The following IL1RAPL1 variants were observed in gnomAD, a reference collection of about 807,000 sequenced individuals.
IL1RAPL1 encodes the protein interleukin-1 receptor accessory protein-like 1.
Under a neutral mutation model 48.4 loss-of-function variants are expected in IL1RAPL1, and 3 were observed. That is an observed-to-expected ratio of 0.06 (90% CI 0.03 to 0.16). The LOEUF (loss-of-function observed/expected upper bound fraction) is 0.16. Ranked by LOEUF, IL1RAPL1 falls within the 10% of genes least tolerant of loss-of-function variation. The pLI is 1.00. For synonymous variants in IL1RAPL1, 185 were observed against 187.7 expected, an observed-to-expected ratio of 0.99 and a Z score of 0.12; for missense variants, 349 against 530.6, an observed-to-expected ratio of 0.66 and a Z score of 3.36.
At chrX:29,287,116 T>C (rs1247890503) in intron 3 of IL1RAPL1, among the ~76,000 whole-genome samples, 1 of 111,590 alleles carries the variant, frequency 9.0e-6, no homozygotes, top group African/African-American at 3.3e-5. Context: ...CAAACCCCTG[T>C]CAACCACTAA....
At chrX:29,925,867 C>T in intron 8 of IL1RAPL1, among the ~76,000 whole-genome samples, 1 of 112,234 alleles carries the variant, frequency 8.9e-6, no homozygotes, top group Admixed American at 9.4e-5. Flanking sequence ...TACGGATATT[C>T]CAACAAGGCT....
chrX:29,501,800 T>G (rs906231754), intron 5 of IL1RAPL1, among the ~76,000 whole-genome samples: 26 of 109,298 alleles, frequency 2.4e-4, no homozygotes, highest in Admixed American at 1.6e-3. Context: ...TTTGAGTTTT[T>G]TTTTTTTTTT....
intron 5 of IL1RAPL1, among the ~76,000 whole-genome samples, chrX:29,555,951 A>G (rs1260969678): frequency 8.9e-6 from 1 of 112,300 alleles, no homozygotes; most frequent in African/African-American, 3.2e-5. Flanking sequence ...CTTCCATCAG[A>G]GACCTTGCTT....
At chrX:29,255,008 A>G (rs990421238) in intron 2 of IL1RAPL1, among the ~76,000 whole-genome samples, 2 of 110,941 alleles carry the variant, frequency 1.8e-5, no homozygotes, top group Non-Finnish European at 3.8e-5. Context: ...AGAACATAAT[A>G]TGCTCTGAAA....
chrX:29,871,346 G>A (rs1931794944), intron 6 of IL1RAPL1, among the ~76,000 whole-genome samples: 2 of 112,043 alleles, frequency 1.8e-5, no homozygotes, highest in Admixed American at 1.9e-4. Flanking sequence ...ATCCTTGGGG[G>A]ACCATTATTC....
intron 6 of IL1RAPL1, among the ~76,000 whole-genome samples, chrX:29,752,729 G>C (rs1928519653): frequency 1.8e-5 from 2 of 110,939 alleles, no homozygotes; most frequent in African/African-American, 3.3e-5. Context: ...TGCATCCCCA[G>C]ATATTCTACC....
intron 5 of IL1RAPL1, among the ~76,000 whole-genome samples, chrX:29,576,899 C>CCA: frequency 9.5e-6 from 1 of 105,615 alleles, no homozygotes; most frequent in Admixed American, 1.0e-4. Context: ...TTGTTGGTTA[C>CCA]AAAAAAAAAA....
intron 1 of IL1RAPL1, among the ~76,000 whole-genome samples, chrX:28,675,730 GGA>G (rs1242073362): frequency 9.0e-6 from 1 of 111,670 alleles, no homozygotes; most frequent in Admixed American, 9.6e-5. Flanking sequence ...GTATTGGATG[GGA>G]GGCTGGTAAG....
chrX:29,802,820 T>TACGTGTAC lies in IL1RAPL1; in HGVS notation c.779-114643_779-114642insCGTGTACA, dbSNP rs1200124712. Among the ~76,000 whole-genome samples the TACGTGTAC allele has an allele frequency of 7.7e-3, 407 of 52,669 alleles. 54 individuals carry two copies. The highest frequency in any genetic ancestry group is 0.011 in the Middle Eastern group (1 of 87). The allele number at this position is 52,669 out of a possible 115,157, so 45.7% of individuals were successfully genotyped here. A position where few individuals can be genotyped will look rare whatever the true frequency, so the allele number is the denominator to read the frequency against. ...ATATATATATATATATGTGTGTATA[T>TACGTGTAC]ATATGTATACATATATGTATACATA... On this transcript the variant is annotated intron_variant, in intron 6 of 10. Coordinates refer to ENST00000378993, the MANE Select transcript of IL1RAPL1 (RefSeq NM_014271.4).
At chrX:28,659,047 C>T (rs1224627277) in intron 1 of IL1RAPL1, 6 of 612,787 alleles carry the variant, frequency 9.8e-6, no homozygotes, top group Non-Finnish European at 1.6e-5. Context: ...AAATGTTTCC[C>T]ATCATAGTGG....
At chrX:28,792,726 C>T (rs1174048726) in intron 2 of IL1RAPL1, among the ~76,000 whole-genome samples, 13 of 83,673 alleles carry the variant, frequency 1.6e-4, no homozygotes, top group African/African-American at 6.1e-4. Context: ...AGGTGGAGCT[C>T]GCAGTGAGTC....
chrX:29,408,742 C>T (rs756157945), intron 5 of IL1RAPL1, among the ~76,000 whole-genome samples: 6 of 112,021 alleles, frequency 5.4e-5, no homozygotes, highest in African/African-American at 1.3e-4. Flanking sequence ...CATCTTCCTC[C>T]TCTTTTAATG....
chrX:29,263,228 T>C (rs962420238), intron 2 of IL1RAPL1, among the ~76,000 whole-genome samples: 11 of 111,661 alleles, frequency 9.9e-5, no homozygotes, highest in African/African-American at 3.3e-4. Flanking sequence ...ACTTTATTGA[T>C]GTGGAAAGCA....
chrX:29,803,464 T>C (rs1930155018), intron 6 of IL1RAPL1, among the ~76,000 whole-genome samples: 1 of 98,557 alleles, frequency 1.0e-5, no homozygotes, highest in Non-Finnish European at 2.0e-5. Context: ...TGTATATATG[T>C]ATATATGTAT....
rs188648908 is a variant in IL1RAPL1 at position 29,320,124 on chromosome X, G to A, written c.362+36907G>A. On this transcript the variant is annotated intron_variant, in intron 3 of 10. Coordinates refer to ENST00000378993, the MANE Select transcript of IL1RAPL1 (RefSeq NM_014271.4). ...TTTGACCCAAGACATAAATAAATGC[G>A]TTGATTTTTGAAAACTTTAAATAAA... Among the ~76,000 whole-genome samples, 42 of 110,294 alleles carry A rather than the reference G, an allele frequency of 3.8e-4. No individual in the cohort carries two copies. In the East Asian group the frequency reaches 8.1e-3, roughly 21 times the overall value.
chrX:29,442,899 T>G (rs1172194149), intron 5 of IL1RAPL1, among the ~76,000 whole-genome samples: 5 of 110,074 alleles, frequency 4.5e-5, no homozygotes, highest in Admixed American at 1.9e-4. Context: ...AATTTTGCAC[T>G]TGAAAATAGT....
chrX:29,371,849 C>A (rs780296697), intron 3 of IL1RAPL1, among the ~76,000 whole-genome samples: 1 of 112,200 alleles, frequency 8.9e-6, no homozygotes, highest in South Asian at 3.7e-4. Context: ...CATTGATGGG[C>A]ACCTAAGTTG....
At chrX:29,320,074 A>G (rs1395281459) in intron 3 of IL1RAPL1, among the ~76,000 whole-genome samples, 2 of 111,962 alleles carry the variant, frequency 1.8e-5, no homozygotes, top group African/African-American at 6.5e-5. Flanking sequence ...GTTTTTGTTC[A>G]TAATTTTTGG....
chrX:29,721,698 G>A (rs1240649513), intron 6 of IL1RAPL1, among the ~76,000 whole-genome samples: 1 of 111,387 alleles, frequency 9.0e-6, no homozygotes, highest in Non-Finnish European at 1.9e-5. Context: ...ATTTTTAGTA[G>A]AAAATGTTGA....
Sources: allele counts gnomAD v4.1 joint callset (sites outside exome capture counted in the v4.1 genomes callset), GRCh38; gene constraint gnomAD v4.1.1; transcripts MANE v1.5; gene names NCBI Gene and HGNC (gene_info 2026-07-23, HGNC 2026-07-21).